ATP23: variants seen among roughly 807,000 people sequenced by gnomAD.
ATP23 encodes ATP23 metallopeptidase and ATP synthase assembly factor homolog.
In ATP23, 24 loss-of-function variants were observed where a neutral mutation model predicts 28.5. That is an observed-to-expected ratio of 0.84 (90% CI 0.61 to 1.18). ATP23 has a LOEUF of 1.18. Among genes scored for constraint, ATP23 ranks in the 50% most tolerant of loss-of-function variants. The pLI is 0.00. For synonymous variants in ATP23, 99 were observed against 108.6 expected, an observed-to-expected ratio of 0.91 and a Z score of 0.55; for missense variants, 274 against 306.4, an observed-to-expected ratio of 0.89 and a Z score of 0.79.
chr12:57,944,059 G>GTT (rs10672119), intron 1 of ATP23, among the ~76,000 whole-genome samples: 15,889 of 137,268 alleles, frequency 0.12, 1,436 homozygotes, highest in African/African-American at 0.25. Flanking sequence ...CTAAACCATG[G>GTT]TTTTTTTTTT....
intron 1 of ATP23, among the ~76,000 whole-genome samples, 197 bp downstream of exon 1, chr12:57,942,085 G>A (rs1012974188): frequency 6.6e-6 from 1 of 152,196 alleles, no homozygotes; most frequent in Non-Finnish European, 1.5e-5. Context: ...CCTTTTCGTC[G>A]CTGTTTTTGG....
chr12:57,948,786 G>A (rs139768700), intron 3 of ATP23, among the ~76,000 whole-genome samples: 2 of 152,082 alleles, frequency 1.3e-5, no homozygotes, highest in African/African-American at 4.8e-5. Context: ...CCTGACTTTT[G>A]TGGTAACCAT....
chr12:57,951,998 C>T, intron 4 of ATP23, 103 bp downstream of exon 4: 4 of 1,440,048 alleles, frequency 2.8e-6, no homozygotes, highest in Non-Finnish European at 3.8e-6. Flanking sequence ...ATAGTTCTAC[C>T]TTAGTCTTGA....
Position 57,958,890 on chromosome 12 carries a change from C to A in ATP23, c.*2000C>A, listed in dbSNP as rs2140548691. 6.6e-6 allele frequency among the ~76,000 whole-genome samples: 1 copy of A among 152,278 alleles called. No individual in the cohort carries two copies. Among genetic ancestry groups the A allele is most frequent in the East Asian group, 1.9e-4 (1 of 5,182 alleles). On this transcript the variant is annotated 3_prime_UTR_variant, in exon 6 of 6. Transcript: ENST00000300145. Reference sequence around the variant, plus strand: ...CAATGGATTCAAACCAAGAAGAAATCCCTGATTTACCTGAAAAAGAATTCA... The same window carrying A: ...CAATGGATTCAAACCAAGAAGAAATACCTGATTTACCTGAAAAAGAATTCA...
At chr12:57,949,532 C>T (rs1592276683) in intron 3 of ATP23, among the ~76,000 whole-genome samples, 1 of 152,010 alleles carries the variant, frequency 6.6e-6, no homozygotes, top group Admixed American at 6.6e-5. Flanking sequence ...CTTGCTCTGT[C>T]GCCTAGGCTG....
intron 3 of ATP23, among the ~76,000 whole-genome samples, chr12:57,947,542 A>G (rs7132343): frequency 0.12 from 17,886 of 152,152 alleles, 1,801 homozygotes; most frequent in African/African-American, 0.28. Context: ...TAGGATTGGA[A>G]GGAAATGTAA....
intron 1 of ATP23, among the ~76,000 whole-genome samples, chr12:57,944,865 AT>A (rs1956744504): frequency 6.6e-6 from 1 of 152,202 alleles, no homozygotes; most frequent in Non-Finnish European, 1.5e-5. Flanking sequence ...CCTAGTCACC[AT>A]CCCCTGTGGA....
chr12:57,942,143 C>T (rs1956711494), intron 1 of ATP23, among the ~76,000 whole-genome samples: 1 of 152,210 alleles, frequency 6.6e-6, no homozygotes, highest in South Asian at 2.1e-4. Flanking sequence ...ACTGTTGTGA[C>T]AGATCCTCCG....
In ATP23 at chr12:57,951,892, A is replaced by G. The variant is rs1233019539; in HGVS notation, c.450A>G (p.Ser150=). Residue 150 remains serine, a synonymous_variant, in exon 4 of 6, where the codon TCA becomes TCG. Coordinates refer to ENST00000300145, the MANE Select transcript of ATP23 (RefSeq NM_033276.4). ...CCAACATCAGACATTTGGCGTGCTC[A>G]GAGGTGAGTTTTATTGTATTTTTCT... The part of the protein sequence containing the change: ...WFTNIRHLAC[S]EVRAANLSGD... The G allele has an allele frequency of 6.2e-7, 1 of 1,614,138 alleles. No homozygotes were observed. Among genetic ancestry groups the G allele is most frequent in the Non-Finnish European group, 8.5e-7 (1 of 1,179,976 alleles).
rs891028446 is a variant in ATP23 at position 57,958,339 on chromosome 12, T to C, written c.*1449T>C. Among the ~76,000 whole-genome samples, 11 of 152,090 alleles carry C rather than the reference T, an allele frequency of 7.2e-5. No homozygotes were observed. Among genetic ancestry groups the C allele is most frequent in the African/African-American group, 2.7e-4 (11 of 41,418 alleles). On this transcript the variant is annotated 3_prime_UTR_variant, in exon 6 of 6. Coordinates refer to ENST00000300145, the MANE Select transcript of ATP23 (RefSeq NM_033276.4). ...AAAAAGGGCATACAATCTTGGGAGTTCTAGGGCCCCACTCACCACAAGTTC... is the reference window on the plus strand; with the variant it reads ...AAAAAGGGCATACAATCTTGGGAGTCCTAGGGCCCCACTCACCACAAGTTC...
At chr12:57,946,446 A>ATTTTTTTTTTTTTTTTTTTTTTTTTTTTT (rs369316315) in intron 2 of ATP23, among the ~76,000 whole-genome samples, 1 of 104,034 alleles carries the variant, frequency 9.6e-6, no homozygotes, top group Non-Finnish European at 1.9e-5. Flanking sequence ...AGTTGAACAA[A>ATTTTTTTTTTTTTTTTTTTTTTTTTTTTT]TTTTTTTTTT....
intron 4 of ATP23, among the ~76,000 whole-genome samples, chr12:57,953,088 G>C (rs1956830570): frequency 6.6e-6 from 1 of 152,162 alleles, no homozygotes; most frequent in Non-Finnish European, 1.5e-5. Flanking sequence ...ACTTATATAG[G>C]TTTGAGGGAA....
chr12:57,942,762 G>C (rs540132615), intron 1 of ATP23, among the ~76,000 whole-genome samples: 1 of 152,040 alleles, frequency 6.6e-6, no homozygotes, highest in East Asian at 1.9e-4. Flanking sequence ...AGAGTTAATA[G>C]CTTCATCATA....
At chr12:57,953,503 T>C in intron 4 of ATP23, 103 bp from the exon 5 acceptor site, 3 of 929,562 alleles carry the variant, frequency 3.2e-6, no homozygotes, top group Non-Finnish European at 4.9e-6. Flanking sequence ...CAGACAAAGA[T>C]GCTAATTTTA....
In ATP23 at chr12:57,958,072, G is replaced by A. The variant is rs940778888; in HGVS notation, c.*1182G>A. Among the ~76,000 whole-genome samples, 11 of 152,170 alleles carry A rather than the reference G, an allele frequency of 7.2e-5. No individual in the cohort carries two copies. Among genetic ancestry groups the A allele is most frequent in the East Asian group, 1.9e-4 (1 of 5,166 alleles). ...ATGGTGGGAGTGAGACTGGCCCTTC[G>A]GCTTGTGTGGGAGCTGGGTGAGGCC... On this transcript the variant is annotated 3_prime_UTR_variant, in exon 6 of 6. Coordinates refer to ENST00000300145, the MANE Select transcript of ATP23 (RefSeq NM_033276.4).
In ATP23 at chr12:57,951,817, C is replaced by T. The variant is rs768423375; in HGVS notation, c.375C>T (p.His125=). The part of the protein sequence containing the change: ...NQAHMNRVVT[H]ELIHAFDHCR... ...CCCATATGAACAGAGTGGTCACACA[C>T]GAGCTTATTCATGCATTTGATCATT... The change falls in exon 4 of 6, where the codon CAC becomes CAT. Residue 125 remains histidine (H), a synonymous_variant. Transcript: ENST00000300145. 53 of 1,614,128 alleles carry T rather than the reference C, an allele frequency of 3.3e-5. No homozygotes were observed. The highest frequency in any genetic ancestry group is 4.1e-5 in the Non-Finnish European group (48 of 1,180,014).
At chr12:57,952,042 T>C (rs1956821216) in intron 4 of ATP23, 147 bp downstream of exon 4, 2 of 973,420 alleles carry the variant, frequency 2.1e-6, no homozygotes, top group Admixed American at 2.5e-5. Context: ...AATACCATTT[T>C]TGATATACAG....
intron 3 of ATP23, among the ~76,000 whole-genome samples, chr12:57,950,528 CTTTT>C (rs60968742): frequency 2.8e-5 from 4 of 142,462 alleles, no homozygotes. Context: ...CTTTCTTTTT[CTTTT>C]TTTTTTTTTT....
Position 57,956,846 on chromosome 12 carries a change from C to T in ATP23, c.697C>T (p.His233Tyr), listed in dbSNP as rs758248049. The T allele has an allele frequency of 1.9e-6, 3 of 1,613,432 alleles. No homozygotes were observed. Among genetic ancestry groups the T allele is most frequent in the Non-Finnish European group, 2.5e-6 (3 of 1,179,790 alleles). The change falls in exon 6 of 6, where the codon CAC becomes TAC. Residue 233 changes from histidine (H) to tyrosine (Y), a missense_variant. His to Tyr is a moderately conservative substitution (Grantham distance 83, BLOSUM62 2). Transcript: ENST00000300145. ...PHNKTYARYAHRDFENRDRYY... is the reference protein window; with the variant it reads ...PHNKTYARYAYRDFENRDRYY... ...TAACAAGACTTATGCAAGATATGCT[C>T]ACAGAGACTTTGAAAACCGTGATCG...
Sources: allele counts gnomAD v4.1 joint callset (sites outside exome capture counted in the v4.1 genomes callset), GRCh38; gene constraint gnomAD v4.1.1; transcripts MANE v1.5; gene names NCBI Gene and HGNC (gene_info 2026-07-23, HGNC 2026-07-21).